The following ZSCAN20 variants were observed in gnomAD, a reference collection of about 807,000 sequenced individuals.
The protein encoded by ZSCAN20 is zinc finger and SCAN domain containing 20.
Under a neutral mutation model 97.1 loss-of-function variants are expected in ZSCAN20, and 39 were observed. The observed-to-expected ratio is 0.40, with a 90% CI of 0.31 to 0.52. The LOEUF (loss-of-function observed/expected upper bound fraction) is 0.52, where lower values mean the gene tolerates loss of function less well. Among genes scored for constraint, ZSCAN20 ranks in the 20% least tolerant of loss-of-function variants. The probability of loss-of-function intolerance (pLI) is 0.49; values close to 1 mark genes in which losing one functional copy is unlikely to be tolerated. For missense variants in ZSCAN20, 1,115 were observed against 1,290.4 expected, an observed-to-expected ratio of 0.86 and a Z score of 2.08; for synonymous variants, 456 against 467.3, an observed-to-expected ratio of 0.98 and a Z score of 0.31.
In ZSCAN20 at chr1:33,479,467, G is replaced by A; in HGVS notation, c.179G>A (p.Arg60Lys). 1 of 1,614,170 alleles carries A rather than the reference G, an allele frequency of 6.2e-7. No homozygotes were observed. The highest frequency in any genetic ancestry group is 8.5e-7 in the Non-Finnish European group (1 of 1,179,972). Residue 60 changes from arginine (R) to lysine (K), a missense_variant, in exon 2 of 8, where the codon AGG becomes AAG. Around this residue, in one of 3 missense-constraint regions of ZSCAN20, gnomAD observed 508 missense variants for 611.2 expected, o/e 0.83. Transcript: ENST00000684572. Reference protein sequence around the residue: ...SRQRFRQFQYRDAAGPHEAFS... With the variant: ...SRQRFRQFQYKDAAGPHEAFS... ...CAGCGCTTCAGGCAATTCCAATACA[G>A]GGATGCAGCTGGACCCCACGAGGCC...
rs768619280 is a variant in ZSCAN20, at chr1:33,493,309, C to T, written c.1567C>T (p.Arg523Trp). The T allele has an allele frequency of 3.1e-6, 5 of 1,614,194 alleles. No individual in the cohort carries two copies. The highest frequency in any genetic ancestry group is 1.7e-5 in the Admixed American group (1 of 60,026). ...NSQVYRAIAE[R>W]LCALGFLRTL... ...CCAGGTGTACCGGGCCATTGCAGAG[C>T]GGCTGTGTGCTCTGGGCTTCCTGCG... Residue 523 changes from arginine to tryptophan, a missense_variant, in exon 7 of 8, where the codon CGG becomes TGG. By Grantham distance (101) the Arg-to-Trp change is moderately radical. This residue lies in a region of ZSCAN20 where 53 missense variants were observed against 94.3 expected (regional missense o/e 0.56). Transcript: ENST00000684572. This position sits in a 1 kb window ranked among gnomAD's most constrained non-coding sequence, Gnocchi z 4.3.
chr1:33,490,479 C>A (rs1652552832), intron 5 of ZSCAN20, among the ~76,000 whole-genome samples: 1 of 152,080 alleles, frequency 6.6e-6, no homozygotes, highest in African/African-American at 2.4e-5. Context: ...GGACATGCTC[C>A]AGCCACAGTA....
At chr1:33,475,504 C>T (rs1194359013) in intron 1 of ZSCAN20, among the ~76,000 whole-genome samples, 1 of 152,170 alleles carries the variant, frequency 6.6e-6, no homozygotes, top group African/African-American at 2.4e-5. Flanking sequence ...ATGAAAGACA[C>T]TTTACTCACA....
Position 33,494,331 on chromosome 1 carries a change from T to G in ZSCAN20, c.1987T>G (p.Trp663Gly). Reference sequence around the variant, plus strand: ...AGAAGCTGTTTGCCAACCTCTTGACTGGGGAGAAGACAGTGAAAATGAAAA... The same window carrying G: ...AGAAGCTGTTTGCCAACCTCTTGACGGGGGAGAAGACAGTGAAAATGAAAA... ...PTEAVCQPLD[W>G]GEDSENENED... Residue 663 changes from tryptophan (W) to glycine (G), a missense_variant, in exon 8 of 8, where the codon TGG (tryptophan) becomes GGG (glycine). Transcript: ENST00000684572. 6.2e-7 allele frequency: 1 copy of G among 1,614,146 alleles called. No homozygotes were observed. The highest frequency in any genetic ancestry group is 8.5e-7 in the Non-Finnish European group (1 of 1,180,028).
chr1:33,473,477 A>G (rs1651808030), intron 1 of ZSCAN20, among the ~76,000 whole-genome samples: 1 of 152,022 alleles, frequency 6.6e-6, no homozygotes, highest in Admixed American at 6.5e-5. Context: ...CAGCACCTGT[A>G]AAGTCCAAAC....
intron 2 of ZSCAN20, among the ~76,000 whole-genome samples, chr1:33,485,740 C>T (rs1210036114): frequency 6.6e-6 from 1 of 152,056 alleles, no homozygotes; most frequent in Non-Finnish European, 1.5e-5. Context: ...TGACTAGAGG[C>T]TTATTGATGT....
chr1:33,474,986 A>C (rs1651866813), intron 1 of ZSCAN20, among the ~76,000 whole-genome samples: 1 of 152,210 alleles, frequency 6.6e-6, no homozygotes. Flanking sequence ...TGTAAGCTGC[A>C]GCCTAGCTAG....
In ZSCAN20 at chr1:33,501,433, T is replaced by C. The variant is rs1653064440; in HGVS notation, c.*5957T>C. On this transcript the variant is annotated 3_prime_UTR_variant, in exon 8 of 8. Coordinates refer to ENST00000684572, the MANE Select transcript of ZSCAN20 (RefSeq NM_001377376.1). ...TCCATCAGGAGCCTCAGGGATTTAA[T>C]GTCCAATTCTAAAACCTGAACAGGC... is the stretch of plus-strand genomic sequence containing the variant. Among the ~76,000 whole-genome samples, 1 of 152,206 alleles carries C rather than the reference T, an allele frequency of 6.6e-6. No homozygotes were observed. The highest frequency in any genetic ancestry group is 1.5e-5 in the Non-Finnish European group (1 of 68,024).
chr1:33,473,394 C>T (rs1651804008), intron 1 of ZSCAN20, among the ~76,000 whole-genome samples: 1 of 152,138 alleles, frequency 6.6e-6, no homozygotes, highest in Non-Finnish European at 1.5e-5. Context: ...TGAACACACA[C>T]ATTGCACCTA....
rs1014584264 is a variant in ZSCAN20 at position 33,498,978 on chromosome 1, A to G, written c.*3502A>G. The stretch of plus-strand genomic sequence containing the variant: ...GACCTCAGCAGCTGAACTCATGGTC[A>G]TGGCTGCCTTGGCCTTATTGTCCAC... On this transcript the variant is annotated 3_prime_UTR_variant, in exon 8 of 8. Transcript: ENST00000684572. 2.0e-5 allele frequency among the ~76,000 whole-genome samples: 3 copies of G among 152,346 alleles called. No homozygotes were observed. The highest frequency in any genetic ancestry group is 2.1e-4 in the South Asian group (1 of 4,830).
Position 33,473,180 on chromosome 1 carries a change from C to T in ZSCAN20, c.-111+489C>T, listed in dbSNP as rs537497037. ...GATGGGACTGGCTATTGTGTTCTGCCCCAAACCTGCACTTCTTTCCTTATG... is the reference window on the plus strand; with the variant it reads ...GATGGGACTGGCTATTGTGTTCTGCTCCAAACCTGCACTTCTTTCCTTATG... On this transcript the variant is annotated intron_variant, in intron 1 of 7. Coordinates refer to ENST00000684572, the MANE Select transcript of ZSCAN20 (RefSeq NM_001377376.1). 5.9e-5 allele frequency among the ~76,000 whole-genome samples: 9 copies of T among 152,194 alleles called. No homozygotes were observed. The South Asian group carries it at 1.7e-3, about 28-fold the overall frequency.
chr1:33,498,748 ATCGTC>A lies in ZSCAN20; in HGVS notation c.*3275_*3279del, dbSNP rs1374203057. On this transcript the variant is annotated 3_prime_UTR_variant, in exon 8 of 8. Coordinates refer to ENST00000684572, the MANE Select transcript of ZSCAN20 (RefSeq NM_001377376.1). ...CATCATGTGAGCTGCTAAAGGCAGG[ATCGTC>A]TCCCCAGATGGCTGCCTCCCCTTGA... Among the ~76,000 whole-genome samples, 2 of 152,196 alleles carry A rather than the reference ATCGTC, an allele frequency of 1.3e-5. No homozygotes were observed. The highest frequency in any genetic ancestry group is 4.8e-5 in the African/African-American group (2 of 41,448).
chr1:33,489,260 CCTCT>C (rs879803393), intron 4 of ZSCAN20, 69 bp downstream of exon 4: 1 of 1,496,736 alleles, frequency 6.7e-7, no homozygotes, highest in Non-Finnish European at 9.2e-7. Flanking sequence ...CAGTGTTCCT[CCTCT>C]CTCTCCATGA....
Position 33,498,975 on chromosome 1 carries a change from G to A in ZSCAN20, c.*3499G>A, listed in dbSNP as rs1323526181. Reference sequence around the variant, plus strand: ...CTTGACCTCAGCAGCTGAACTCATGGTCATGGCTGCCTTGGCCTTATTGTC... The same window carrying A: ...CTTGACCTCAGCAGCTGAACTCATGATCATGGCTGCCTTGGCCTTATTGTC... On this transcript the variant is annotated 3_prime_UTR_variant, in exon 8 of 8. Coordinates refer to ENST00000684572, the MANE Select transcript of ZSCAN20 (RefSeq NM_001377376.1). 6.6e-6 allele frequency among the ~76,000 whole-genome samples: 1 copy of A among 152,184 alleles called. No homozygotes were observed. Among genetic ancestry groups the A allele is most frequent in the African/African-American group, 2.4e-5 (1 of 41,448 alleles).
intron 1 of ZSCAN20, among the ~76,000 whole-genome samples, chr1:33,477,622 C>A (rs569179344): frequency 6.7e-6 from 1 of 150,004 alleles, no homozygotes; most frequent in Non-Finnish European, 1.5e-5. Flanking sequence ...GAAAGGAATT[C>A]CTTTTGGCAT....
At position 33,499,511 on chromosome 1, in the gene ZSCAN20, C is replaced by T; in HGVS notation, c.*4035C>T. On this transcript the variant is annotated 3_prime_UTR_variant, in exon 8 of 8. Transcript: ENST00000684572. ...CAAAGCCCCGGTGTCTACCATCACC[C>T]ATCATGGGGCTCTTGGCCTGCCCAT... Among the ~76,000 whole-genome samples the T allele has an allele frequency of 6.6e-6, 1 of 152,134 alleles. No homozygotes were observed. The highest frequency in any genetic ancestry group is 1.5e-5 in the Non-Finnish European group (1 of 68,030).
chr1:33,495,542 A>G lies in ZSCAN20; in HGVS notation c.*66A>G, dbSNP rs1652832781. On this transcript the variant is annotated 3_prime_UTR_variant, in exon 8 of 8. Coordinates refer to ENST00000684572, the MANE Select transcript of ZSCAN20 (RefSeq NM_001377376.1). ...TATCTTATATCATAAGATGTATGCT[A>G]GAGATAAACTTTCCAATTTTTAAGC... The G allele has an allele frequency of 7.4e-7, 1 of 1,352,646 alleles. No homozygotes were observed. The allele number at this position is 1,352,646 out of a possible 1,614,324, so 83.8% of individuals were successfully genotyped here.
Position 33,491,812 on chromosome 1 carries a change from A to C in ZSCAN20, c.1444+110A>C. Reference sequence around the variant, plus strand: ...TGCAAGTCTGGATTGAAGCCACTAGAGTGAAGAGCTACATTCCTTAGGTCA... The same window carrying C: ...TGCAAGTCTGGATTGAAGCCACTAGCGTGAAGAGCTACATTCCTTAGGTCA... On this transcript the variant is annotated intron_variant, in intron 6 of 7. Coordinates refer to ENST00000684572, the MANE Select transcript of ZSCAN20 (RefSeq NM_001377376.1). The surrounding 1 kb of genome is among the most constrained non-coding windows in gnomAD (Gnocchi z 4.3). The C allele has an allele frequency of 8.9e-7, 1 of 1,126,838 alleles. No individual in the cohort carries two copies. Among genetic ancestry groups the C allele is most frequent in the Non-Finnish European group, 1.2e-6 (1 of 804,104 alleles). 69.8% of individuals were successfully genotyped at this position (1,126,838 alleles called of 1,614,324 possible). A position where few individuals can be genotyped will look rare whatever the true frequency, so the allele number is the denominator to read the frequency against.
At chr1:33,483,276 G>A (rs1652225201) in intron 2 of ZSCAN20, among the ~76,000 whole-genome samples, 1 of 146,262 alleles carries the variant, frequency 6.8e-6, no homozygotes, top group African/African-American at 2.5e-5. Flanking sequence ...TCATGTGGAT[G>A]TCCAGTTTTA....
Sources: gnomAD v4.1 joint callset for allele counts (sites outside exome capture counted in the v4.1 genomes callset) on GRCh38, gnomAD v4.1.1 for gene constraint, gnomAD v4.1.1 regional missense constraint, Gnocchi (gnomAD v3.1) non-coding constraint, MANE v1.5 for transcripts, NCBI Gene and HGNC (gene_info 2026-07-23, HGNC 2026-07-21) for gene names.